KDM6A: variants seen among roughly 807,000 people sequenced by gnomAD.
KDM6A encodes lysine demethylase 6A.
In KDM6A, 11 loss-of-function variants were observed where a neutral mutation model predicts 117.6. The observed-to-expected ratio is 0.09, with a 90% CI of 0.06 to 0.15. KDM6A has a LOEUF of 0.15. Among genes scored for constraint, KDM6A ranks in the 10% least tolerant of loss-of-function variants. KDM6A has a pLI of 1.00. For synonymous variants in KDM6A, 384 were observed against 396.1 expected, an observed-to-expected ratio of 0.97 and a Z score of 0.36; for missense variants, 799 against 1,077.3, an observed-to-expected ratio of 0.74 and a Z score of 3.62.
At position 45,086,347 on chromosome X, in the gene KDM6A, C is replaced by T. The variant is rs1205765930; in HGVS notation, c.3704+368C>T. The T allele has an allele frequency of 1.8e-5, 3 of 169,488 alleles. No individual in the cohort carries two copies. In the Admixed American group the frequency reaches 2.2e-4, roughly 13 times the overall value. The allele number at this position is 169,488 out of a possible 1,213,427, so 14.0% of individuals were successfully genotyped here. A position where few individuals can be genotyped will look rare whatever the true frequency, so the allele number is the denominator to read the frequency against. On this transcript the variant is annotated intron_variant, in intron 25 of 29. Transcript: ENST00000611820. ...TAGAAGGAATTCTTTATTGAGCACC[C>T]GTATAGGCTGTGAATAACTCAAGCT...
chrX:45,042,895 T>G lies in KDM6A; in HGVS notation c.654+5206T>G, dbSNP rs73490969. 7.5e-3 allele frequency among the ~76,000 whole-genome samples: 853 copies of G among 112,997 alleles called. 14 individuals are homozygous for G. Among genetic ancestry groups the G allele is most frequent in the African/African-American group, 0.026 (817 of 31,077 alleles). ...CAGGTTTAAATACTAAGATCATAAT[T>G]AAAACTAAAGTTATGGAATACCACT... On this transcript the variant is annotated intron_variant, in intron 8 of 29. Coordinates refer to ENST00000611820, the MANE Select transcript of KDM6A (RefSeq NM_001291415.2).
At chrX:44,881,646 A>ATTC (rs1172829319) in intron 2 of KDM6A, among the ~76,000 whole-genome samples, 1 of 102,539 alleles carries the variant, frequency 9.8e-6, no homozygotes, top group South Asian at 4.3e-4. Context: ...TTGTGAATGT[A>ATTC]TTCTTGTATG....
At chrX:45,104,025 T>C (rs1166577828) in intron 27 of KDM6A, among the ~76,000 whole-genome samples, 1 of 88,287 alleles carries the variant, frequency 1.1e-5, no homozygotes, top group African/African-American at 5.9e-5. Context: ...AATTGAATTC[T>C]TTTTTTTTTT....
At chrX:44,955,239 C>G (rs769945769) in intron 2 of KDM6A, among the ~76,000 whole-genome samples, 1 of 110,640 alleles carries the variant, frequency 9.0e-6, no homozygotes, top group African/African-American at 3.3e-5. Context: ...GGGAAAGTAT[C>G]TTTAGTTAAG....
chrX:45,087,160 T>C (rs2148177167), intron 25 of KDM6A, among the ~76,000 whole-genome samples: 1 of 111,849 alleles, frequency 8.9e-6, no homozygotes, highest in South Asian at 3.7e-4. Context: ...CCTGCTAATT[T>C]GTGTATTTTT....
At chrX:44,973,144 C>CA (rs969459042) in intron 3 of KDM6A, among the ~76,000 whole-genome samples, 17 of 110,455 alleles carry the variant, frequency 1.5e-4, no homozygotes, top group Non-Finnish European at 2.3e-4. Context: ...AGAACATGGT[C>CA]AAAAAAAAGC....
intron 6 of KDM6A, among the ~76,000 whole-genome samples, chrX:45,027,845 G>A (rs1602629166): frequency 9.2e-6 from 1 of 108,715 alleles, no homozygotes; most frequent in East Asian, 2.9e-4. Context: ...CCAGGCTAGA[G>A]TGCAATGGCG....
Position 45,011,977 on chromosome X carries a change from G to A in KDM6A, c.443+958G>A, listed in dbSNP as rs1602569062. ...GTTTGTTTTTATTTGTAGAGATGGG[G>A]CCTCCCCCTATGTTGCCCAGTCTGG... On this transcript the variant is annotated intron_variant, in intron 5 of 29. Transcript: ENST00000611820. 2.8e-5 allele frequency among the ~76,000 whole-genome samples: 3 copies of A among 108,700 alleles called. No homozygotes were observed. In the Admixed American group the frequency reaches 3.0e-4, roughly 11 times the overall value. The allele number at this position is 108,700 out of a possible 115,157, so 94.4% of individuals were successfully genotyped here. A position where few individuals can be genotyped will look rare whatever the true frequency, so the allele number is the denominator to read the frequency against.
At chrX:44,962,327 C>T (rs1009512729) in intron 3 of KDM6A, among the ~76,000 whole-genome samples, 2 of 111,991 alleles carry the variant, frequency 1.8e-5, no homozygotes, top group Non-Finnish European at 3.8e-5. Flanking sequence ...TATTTCTCAG[C>T]TTAGCTCTGT....
At chrX:44,887,560 T>G (rs1406609478) in intron 2 of KDM6A, among the ~76,000 whole-genome samples, 1 of 111,254 alleles carries the variant, frequency 9.0e-6, no homozygotes, top group Non-Finnish European at 1.9e-5. Context: ...ACATCACATA[T>G]TCTCTCAAAA....
At chrX:44,874,970 C>A (rs1379224415) in intron 2 of KDM6A, among the ~76,000 whole-genome samples, 1 of 112,210 alleles carries the variant, frequency 8.9e-6, no homozygotes, top group African/African-American at 3.2e-5. Context: ...TGCTTATCAA[C>A]CTGTAGCACA....
chrX:45,033,114 A>C (rs1321958198), intron 6 of KDM6A, among the ~76,000 whole-genome samples: 1 of 112,030 alleles, frequency 8.9e-6, no homozygotes, highest in Non-Finnish European at 1.9e-5. Flanking sequence ...CTTCTATCTA[A>C]ATATTTATGC....
chrX:45,076,846 C>T lies in KDM6A; in HGVS notation c.2988+20C>T. 8.4e-7 allele frequency: 1 copy of T among 1,183,695 alleles called. No individual in the cohort carries two copies. Among genetic ancestry groups the T allele is most frequent in the South Asian group, 1.8e-5 (1 of 56,085 alleles). Reference sequence around the variant, plus strand: ...ATTTACGTGAGTCTGAATTGACTGACTAGAAATAAAACAGTGTTTGCAACT... The same window carrying T: ...ATTTACGTGAGTCTGAATTGACTGATTAGAAATAAAACAGTGTTTGCAACT... On this transcript the variant is annotated intron_variant, in intron 19 of 29. Transcript: ENST00000611820.
chrX:45,025,425 A>C (rs2042329026), intron 6 of KDM6A, among the ~76,000 whole-genome samples: 1 of 112,279 alleles, frequency 8.9e-6, no homozygotes, highest in Non-Finnish European at 1.9e-5. Context: ...AGCCTCCCAA[A>C]GTGCTGGAAT....
At position 45,069,700 on chromosome X, in the gene KDM6A, A is replaced by T. The variant is rs2148037371; in HGVS notation, c.2201A>T (p.His734Leu). 1.7e-6 allele frequency: 2 copies of T among 1,210,330 alleles called. No homozygotes were observed. The highest frequency in any genetic ancestry group is 5.9e-5 in the East Asian group (2 of 33,785). ...AGSGIQNQNGHPTLPSNSVTQ... is the reference protein window; with the variant it reads ...AGSGIQNQNGLPTLPSNSVTQ... ...TCTGGTATTCAGAATCAGAACGGACATCCCACCCTGCCTAGCAATTCAGTA... is the reference window on the plus strand; with the variant it reads ...TCTGGTATTCAGAATCAGAACGGACTTCCCACCCTGCCTAGCAATTCAGTA... Residue 734 changes from histidine (H) to leucine (L), a missense_variant, in exon 18 of 30, where the codon CAT becomes CTT. Physicochemically the swap from His to Leu is moderately conservative, Grantham distance 99. This residue lies in a region of KDM6A where 301 missense variants were observed against 318.3 expected (regional missense o/e 0.95). Transcript: ENST00000611820.
chrX:44,874,767 G>T (rs2031303754), intron 2 of KDM6A, among the ~76,000 whole-genome samples: 1 of 104,520 alleles, frequency 9.6e-6, no homozygotes, highest in Non-Finnish European at 2.0e-5. Flanking sequence ...GGACAGGGTG[G>T]GAGGAGAAAG....
intron 6 of KDM6A, among the ~76,000 whole-genome samples, chrX:45,027,072 G>T (rs1044450304): frequency 9.1e-6 from 1 of 110,423 alleles, no homozygotes; most frequent in Non-Finnish European, 1.9e-5. Context: ...ACTTTCGGAG[G>T]CTGAGGCGGG....
At chrX:44,928,299 A>G (rs1225774052) in intron 2 of KDM6A, among the ~76,000 whole-genome samples, 1 of 110,170 alleles carries the variant, frequency 9.1e-6, no homozygotes, top group East Asian at 2.8e-4. Context: ...GTGAATTAGT[A>G]AAATAGAGAG....
At position 44,946,778 on chromosome X, in the gene KDM6A, AC is replaced by A. The variant is rs2037660034; in HGVS notation, c.226-14504del. 2.7e-5 allele frequency among the ~76,000 whole-genome samples: 3 copies of A among 110,346 alleles called. No homozygotes were observed. The South Asian group carries it at 1.1e-3, about 42-fold the overall frequency. ...GTTAGAAATAACTTGCAGGCTTGCCACCACTTTTTTGTTAGGTTATTGTTTG... is the reference window on the plus strand; with the variant it reads ...GTTAGAAATAACTTGCAGGCTTGCCACACTTTTTTGTTAGGTTATTGTTTG... On this transcript the variant is annotated intron_variant, in intron 2 of 29. Transcript: ENST00000611820.
Sources: gnomAD v4.1 joint callset for allele counts (sites outside exome capture counted in the v4.1 genomes callset) on GRCh38, gnomAD v4.1.1 for gene constraint, gnomAD v4.1.1 regional missense constraint, MANE v1.5 for transcripts, NCBI Gene and HGNC (gene_info 2026-07-23, HGNC 2026-07-21) for gene names.